The following MAP3K7 variants were observed in gnomAD, a reference collection of about 807,000 sequenced individuals.
The protein encoded by MAP3K7 is mitogen-activated protein kinase kinase kinase 7, also known as TGF-beta activated kinase 1.
A neutral mutation model predicts 84.8 loss-of-function variants in MAP3K7; 21 were observed. That is an observed-to-expected ratio of 0.25 (90% CI 0.18 to 0.36). MAP3K7 has a LOEUF of 0.36. MAP3K7 is among the 10% of genes least tolerant of loss of function. The pLI is 1.00. For missense variants in MAP3K7, 503 were observed against 747.7 expected (o/e 0.67, Z 3.82); for synonymous variants, 241 against 247.7 (o/e 0.97, Z 0.25).
chr6:90,554,199 G>T lies in MAP3K7; in HGVS notation c.608-613C>A, dbSNP rs111423324. 2.2e-3 allele frequency among the ~76,000 whole-genome samples: 334 copies of T among 152,260 alleles called. 1 individual carries two copies. The highest frequency in any genetic ancestry group is 7.5e-3 in the African/African-American group (313 of 41,542). ...TGGGATCACAGGCATGAGCCATTGT[G>T]CCTGGCCTCCTTTCTGTTACATTTT... On this transcript the variant is annotated intron_variant, in intron 6 of 16. Coordinates refer to ENST00000369329, the MANE Select transcript of MAP3K7 (RefSeq NM_145331.3).
intron 1 of MAP3K7, among the ~76,000 whole-genome samples, chr6:90,581,638 C>T (rs1018927435): frequency 2.6e-5 from 4 of 152,180 alleles, no homozygotes; most frequent in Middle Eastern, 3.2e-3. Flanking sequence ...TATGCTCATG[C>T]TATCTTTTAA....
chr6:90,542,440 A>G (rs1050721703), intron 12 of MAP3K7: 1 of 985,030 alleles, frequency 1.0e-6, no homozygotes, highest in South Asian at 4.7e-5. Flanking sequence ...TGCTCTGGCA[A>G]TTAAGAGAAT....
chr6:90,544,677 C>T (rs35976045), intron 11 of MAP3K7, 45 bp from the exon 12 acceptor site: 1 of 1,454,894 alleles, frequency 6.9e-7, no homozygotes. Flanking sequence ...CAACCACAAA[C>T]AGTAACACGG....
chr6:90,536,185 TTC>T (rs1491242590), intron 13 of MAP3K7, 150 bp downstream of exon 13: 14 of 547,292 alleles, frequency 2.6e-5, no homozygotes, highest in Middle Eastern at 3.5e-4. Context: ...CTATGTTTTT[TTC>T]CCCCCTAAGT....
At chr6:90,551,987 A>G in intron 8 of MAP3K7, 62 bp downstream of exon 8, 1 of 1,520,536 alleles carries the variant, frequency 6.6e-7, no homozygotes, top group Non-Finnish European at 9.0e-7. Flanking sequence ...TTAAAATTCC[A>G]TTAAAACTCA....
At chr6:90,553,322 G>T in intron 7 of MAP3K7, 136 bp downstream of exon 7, 1 of 883,420 alleles carries the variant, frequency 1.1e-6, no homozygotes, top group Non-Finnish European at 1.7e-6. Flanking sequence ...TCTGATAATA[G>T]CAAAGCAGTC....
intron 1 of MAP3K7, among the ~76,000 whole-genome samples, chr6:90,573,521 T>A (rs1776974249): frequency 6.6e-6 from 1 of 152,238 alleles, no homozygotes; most frequent in African/African-American, 2.4e-5. Flanking sequence ...AATGAACATT[T>A]ACCATGTTGT....
At chr6:90,566,628 T>C (rs1221678096) in intron 3 of MAP3K7, among the ~76,000 whole-genome samples, 1 of 151,954 alleles carries the variant, frequency 6.6e-6, no homozygotes, top group African/African-American at 2.4e-5. Flanking sequence ...GTGAAAATGG[T>C]CATACTGCCC....
Position 90,559,978 on chromosome 6 carries a change from T to C in MAP3K7, c.482+98A>G, listed in dbSNP as rs1776453556. On this transcript the variant is annotated intron_variant, in intron 5 of 16. Coordinates refer to ENST00000369329, the MANE Select transcript of MAP3K7 (RefSeq NM_145331.3). ...GCCAAATAGAGAAAAGAGAAACTCC[T>C]GTACAATAATGAGCTTGAATTAGAG... 7.3e-6 allele frequency: 10 copies of C among 1,362,258 alleles called. No homozygotes were observed. The Admixed American group carries it at 1.7e-4, about 24-fold the overall frequency. 84.4% of individuals were successfully genotyped at this position (1,362,258 alleles called of 1,614,324 possible). A position where few individuals can be genotyped will look rare whatever the true frequency, so the allele number is the denominator to read the frequency against.
intron 12 of MAP3K7, chr6:90,542,374 A>C: frequency 1.0e-6 from 1 of 983,932 alleles, no homozygotes; most frequent in African/African-American, 1.7e-5. Flanking sequence ...AAAAGCCTAA[A>C]AAGAATATTT....
intron 13 of MAP3K7, among the ~76,000 whole-genome samples, chr6:90,536,036 A>G (rs1318376383): frequency 1.3e-5 from 2 of 152,174 alleles, no homozygotes; most frequent in Non-Finnish European, 2.9e-5. Context: ...AAATTGTTAA[A>G]TTATAAAATT....
chr6:90,585,787 C>A (rs1412524977), intron 1 of MAP3K7, among the ~76,000 whole-genome samples: 1 of 152,152 alleles, frequency 6.6e-6, no homozygotes, highest in African/African-American at 2.4e-5. Context: ...CTGATTGTCA[C>A]CGAAATCATT....
intron 14 of MAP3K7, among the ~76,000 whole-genome samples, chr6:90,523,278 T>C (rs887591079): frequency 6.6e-6 from 1 of 152,100 alleles, no homozygotes; most frequent in South Asian, 2.1e-4. Context: ...CCTTAAAAGA[T>C]TGAGATGAAG....
chr6:90,523,952 G>A (rs1310366223), intron 13 of MAP3K7, among the ~76,000 whole-genome samples, 169 bp from the exon 14 acceptor site: 2 of 152,060 alleles, frequency 1.3e-5, no homozygotes, highest in African/African-American at 2.4e-5. Flanking sequence ...ATTCACTCAC[G>A]CATGATACCT....
chr6:90,525,681 T>C lies in MAP3K7; in HGVS notation c.1357-1898A>G, dbSNP rs1457065295. ...CTCCTGGGCTCAAGCGATCCTTCCA[T>C]CTCAGCCTCCCGAGTAACTGGGACT... On this transcript the variant is annotated intron_variant, in intron 13 of 16. Transcript: ENST00000369329. Among the ~76,000 whole-genome samples, 3 of 150,212 alleles carry C rather than the reference T, an allele frequency of 2.0e-5. No homozygotes were observed. The East Asian group carries it at 6.0e-4, about 30-fold the overall frequency.
At chr6:90,572,184 A>G (rs933022302) in intron 1 of MAP3K7, among the ~76,000 whole-genome samples, 1 of 152,120 alleles carries the variant, frequency 6.6e-6, no homozygotes, top group Admixed American at 6.5e-5. Flanking sequence ...AAGCAGGAAC[A>G]TATAATAAAT....
chr6:90,533,845 G>T (rs1217150416), intron 13 of MAP3K7, among the ~76,000 whole-genome samples: 1 of 152,184 alleles, frequency 6.6e-6, no homozygotes, highest in Non-Finnish European at 1.5e-5. Context: ...TGGATGTCAG[G>T]GACTGCTTTT....
At chr6:90,561,292 T>G (rs1353397284) in intron 4 of MAP3K7, among the ~76,000 whole-genome samples, 1 of 151,902 alleles carries the variant, frequency 6.6e-6, no homozygotes. Flanking sequence ...TAAAGAATTC[T>G]AAAATGAGGA....
Position 90,516,425 on chromosome 6 carries a change from C to T in MAP3K7, c.*76G>A, listed in dbSNP as rs755173911. The T allele has an allele frequency of 3.1e-5, 45 of 1,460,228 alleles. No homozygotes were observed. Among genetic ancestry groups the T allele is most frequent in the Middle Eastern group, 1.9e-4 (1 of 5,310 alleles). The allele number at this position is 1,460,228 out of a possible 1,614,324, so 90.5% of individuals were successfully genotyped here. On this transcript the variant is annotated 3_prime_UTR_variant, in exon 17 of 17. Coordinates refer to ENST00000369329, the MANE Select transcript of MAP3K7 (RefSeq NM_145331.3). ...CGCCAAAAAGCTAACACTCATGAAT[C>T]GTCATTATAAGGTTTTCCTTTCCTT...
Sources: allele counts gnomAD v4.1 joint callset (sites outside exome capture counted in the v4.1 genomes callset), GRCh38; gene constraint gnomAD v4.1.1; transcripts MANE v1.5; gene names NCBI Gene and HGNC (gene_info 2026-07-23, HGNC 2026-07-21).